RGS10: variants seen among roughly 807,000 people sequenced by gnomAD.
RGS10 encodes the protein regulator of G-protein signalling 10.
Under a neutral mutation model 23.5 loss-of-function variants are expected in RGS10, and 11 were observed. The observed-to-expected ratio is 0.47, with a 90% CI of 0.29 to 0.77. RGS10 has a LOEUF of 0.77. Among genes scored for constraint, RGS10 ranks in the 30% least tolerant of loss-of-function variants. RGS10 has a pLI of 0.08. For synonymous variants in RGS10, 77 were observed against 83.2 expected (o/e 0.92, Z 0.41); for missense variants, 180 against 226.3 (o/e 0.80, Z 1.31).
rs1564708448 is a variant in RGS10 at position 119,506,715 on chromosome 10, T to TTTA, written c.400-6457_400-6456insTAA. ...CCCAAATACTTTTATTTATTTATTT[T>TTTA]TTTTGAGACGGAGTCTCACTCTGTC... On this transcript the variant is annotated intron_variant, in intron 4 of 4. Transcript: ENST00000369103. 2.7e-4 allele frequency among the ~76,000 whole-genome samples: 41 copies of TTTA among 152,082 alleles called. 1 individual carries two copies. The highest frequency in any genetic ancestry group is 9.2e-4 in the African/African-American group (38 of 41,468).
intron 3 of RGS10, among the ~76,000 whole-genome samples, chr10:119,521,407 C>G (rs1844210784): frequency 6.6e-6 from 1 of 151,678 alleles, no homozygotes; most frequent in South Asian, 2.1e-4. Flanking sequence ...CCCATCTCTA[C>G]TAAAAATACA....
intron 3 of RGS10, among the ~76,000 whole-genome samples, chr10:119,520,567 G>A (rs1183894481): frequency 6.6e-6 from 1 of 152,170 alleles, no homozygotes; most frequent in Non-Finnish European, 1.5e-5. Flanking sequence ...GGAACAGAGA[G>A]GCACAGAGGA....
At position 119,536,907 on chromosome 10, in the gene RGS10, T is replaced by G. The variant is rs536355184; in HGVS notation, c.49+5683A>C. 2.0e-4 allele frequency among the ~76,000 whole-genome samples: 31 copies of G among 152,298 alleles called. No homozygotes were observed. The South Asian group carries it at 6.2e-3, about 31-fold the overall frequency. Reference sequence around the variant, plus strand: ...GCACCCTCCCTCGAGGCAAAGTAAATGACTTTTTCCTCCAGGGTCAGTCAG... The same window carrying G: ...GCACCCTCCCTCGAGGCAAAGTAAAGGACTTTTTCCTCCAGGGTCAGTCAG... On this transcript the variant is annotated intron_variant, in intron 1 of 4. Coordinates refer to ENST00000369103, the MANE Select transcript of RGS10 (RefSeq NM_001005339.2).
intron 1 of RGS10, among the ~76,000 whole-genome samples, chr10:119,529,053 GTA>G (rs1163310972): frequency 6.6e-6 from 1 of 152,138 alleles, no homozygotes; most frequent in Non-Finnish European, 1.5e-5. Context: ...CCACTTGCCT[GTA>G]GGAGGAGGGA....
rs775025870 is a variant in RGS10 at position 119,517,060 on chromosome 10, G to A, written c.256-1408C>T. ...TCTCCAAGAGCCCAACTGGGGCTCC[G>A]CATGTGCTGTGGGGCTTGGTTTGGG... On this transcript the variant is annotated intron_variant, in intron 3 of 4. Coordinates refer to ENST00000369103, the MANE Select transcript of RGS10 (RefSeq NM_001005339.2). This position sits in a 1 kb window ranked among gnomAD's most constrained non-coding sequence, Gnocchi z 5.0. Among the ~76,000 whole-genome samples the A allele has an allele frequency of 6.6e-6, 1 of 152,216 alleles. No individual in the cohort carries two copies. Among genetic ancestry groups the A allele is most frequent in the Non-Finnish European group, 1.5e-5 (1 of 68,024 alleles).
intron 4 of RGS10, among the ~76,000 whole-genome samples, chr10:119,505,677 A>G (rs1844003100): frequency 6.6e-6 from 1 of 152,214 alleles, no homozygotes; most frequent in Non-Finnish European, 1.5e-5. Context: ...GTGCCGCTCC[A>G]GGAAAGGACG....
chr10:119,520,003 CT>C (rs1350283911), intron 3 of RGS10, among the ~76,000 whole-genome samples: 1 of 152,186 alleles, frequency 6.6e-6, no homozygotes, highest in Non-Finnish European at 1.5e-5. Flanking sequence ...CCCCTTCTGG[CT>C]GGCAGGCCCT....
chr10:119,534,657 G>A (rs1844368455), intron 1 of RGS10, among the ~76,000 whole-genome samples: 1 of 147,772 alleles, frequency 6.8e-6, no homozygotes, highest in Non-Finnish European at 1.5e-5. Context: ...TTGGGAGGCT[G>A]AGGCAGGCAG....
intron 3 of RGS10, among the ~76,000 whole-genome samples, chr10:119,522,448 G>A (rs1844228390): frequency 6.6e-6 from 1 of 152,194 alleles, no homozygotes; most frequent in African/African-American, 2.4e-5. Context: ...GCCGGGCGCG[G>A]TGGCTCACGT....
intron 1 of RGS10, among the ~76,000 whole-genome samples, chr10:119,535,045 G>A (rs61874695): frequency 0.048 from 7,340 of 152,178 alleles, 199 homozygotes; most frequent in Middle Eastern, 0.095. Context: ...ACTGAGGCAC[G>A]GTAACTTACA....
In RGS10 at chr10:119,511,735, G is replaced by A. The variant is rs534958553; in HGVS notation, c.399+3774C>T. 2.8e-4 allele frequency among the ~76,000 whole-genome samples: 42 copies of A among 152,236 alleles called. No homozygotes were observed. The Middle Eastern group carries it at 0.014, about 49-fold the overall frequency. On this transcript the variant is annotated intron_variant, in intron 4 of 4. Coordinates refer to ENST00000369103, the MANE Select transcript of RGS10 (RefSeq NM_001005339.2). ...TGGGGTCACCAGGCTCACTTATCAT[G>A]TCACTGTCCCACAGCACAGGGATGC...
chr10:119,520,249 C>A (rs1844197654), intron 3 of RGS10, among the ~76,000 whole-genome samples: 1 of 152,204 alleles, frequency 6.6e-6, no homozygotes, highest in Admixed American at 6.5e-5. Flanking sequence ...TTTTCAAGAA[C>A]TGGCTCAGGA....
chr10:119,502,283 G>C (rs957743957), intron 4 of RGS10, among the ~76,000 whole-genome samples: 3 of 152,102 alleles, frequency 2.0e-5, no homozygotes, highest in African/African-American at 7.2e-5. Flanking sequence ...GCCCTTCCAG[G>C]CACAAGAGTC....
intron 1 of RGS10, among the ~76,000 whole-genome samples, chr10:119,530,077 C>T (rs1253341667): frequency 6.6e-6 from 1 of 152,080 alleles, no homozygotes; most frequent in Non-Finnish European, 1.5e-5. Flanking sequence ...GGTGACAGAG[C>T]GAGACTCCAT....
intron 4 of RGS10, among the ~76,000 whole-genome samples, chr10:119,506,200 A>G (rs1844010787): frequency 6.6e-6 from 1 of 152,102 alleles, no homozygotes. Flanking sequence ...GGATGTGCCT[A>G]CCCCCTAAAG....
intron 1 of RGS10, among the ~76,000 whole-genome samples, chr10:119,539,326 TC>T (rs1282543498): frequency 6.6e-6 from 1 of 152,166 alleles, no homozygotes; most frequent in Non-Finnish European, 1.5e-5. Flanking sequence ...TTAAAACTGT[TC>T]CCAAGGGTTT....
intron 4 of RGS10, among the ~76,000 whole-genome samples, chr10:119,510,842 C>T (rs113128846): frequency 0.06 from 9,121 of 152,200 alleles, 333 homozygotes; most frequent in African/African-American, 0.091. Flanking sequence ...CCTCAGCCTC[C>T]CGAGTAGCTG....
chr10:119,504,684 C>T (rs982839337), intron 4 of RGS10, among the ~76,000 whole-genome samples: 3 of 152,068 alleles, frequency 2.0e-5, no homozygotes. Context: ...GACTGGGTGT[C>T]CTTATCAGAA....
intron 2 of RGS10, among the ~76,000 whole-genome samples, chr10:119,526,341 T>C (rs1370966245): frequency 6.6e-6 from 1 of 152,034 alleles, no homozygotes; most frequent in Non-Finnish European, 1.5e-5. Context: ...TAAAGAAGAG[T>C]ACAAATGAAG....
Sources: allele counts gnomAD v4.1 joint callset (sites outside exome capture counted in the v4.1 genomes callset), GRCh38; gene constraint gnomAD v4.1.1; non-coding constraint Gnocchi (gnomAD v3.1); transcripts MANE v1.5; gene names NCBI Gene and HGNC (gene_info 2026-07-23, HGNC 2026-07-21).